GLI3: variants seen among roughly 807,000 people sequenced by gnomAD.
GLI3 encodes the protein GLI family zinc finger 3, also known as transcription activator GLI3.
In GLI3, 20 loss-of-function variants were observed where a neutral mutation model predicts 100.8. That is an observed-to-expected ratio of 0.20 (90% confidence interval 0.14 to 0.29). The LOEUF (loss-of-function observed/expected upper bound fraction) is 0.29, where lower values mean the gene tolerates loss of function less well. Ranked by LOEUF, GLI3 falls within the 10% of genes least tolerant of loss-of-function variation. GLI3 has a pLI of 1.00. For synonymous variants in GLI3, 938 were observed against 860.5 expected (o/e 1.09, Z -1.58); for missense variants, 2,040 against 2,128.5 (o/e 0.96, Z 0.82).
intron 1 of GLI3, among the ~76,000 whole-genome samples, chr7:42,234,779 AC>A (rs1406249840): frequency 6.6e-6 from 1 of 152,210 alleles, no homozygotes; most frequent in Non-Finnish European, 1.5e-5. Flanking sequence ...CCCTAGGCTG[AC>A]TTTAAGAATT....
chr7:42,040,082 A>G lies in GLI3; in HGVS notation c.984T>C (p.Ser328=), dbSNP rs1376994404. Residue 328 remains serine, a synonymous_variant, in exon 7 of 15, where the codon TCT becomes TCC. Transcript: ENST00000395925. ...AGTGACCATAGGAGCCACTTGCTGA[A>G]GAGCTGCTACGGGAATTATTGAGAA... ...VTILNNSRSS[S]SASGSYGHLS... is the part of the protein sequence containing the mutation. 2 of 1,612,366 alleles carry G rather than the reference A, an allele frequency of 1.2e-6. No homozygotes were observed. The highest frequency in any genetic ancestry group is 3.3e-5 in the Admixed American group (2 of 60,030).
intron 1 of GLI3, among the ~76,000 whole-genome samples, chr7:42,244,456 A>G (rs1481557236): frequency 1.2e-4 from 19 of 152,212 alleles, no homozygotes; most frequent in Admixed American, 1.2e-3. Context: ...GAAGTTTGTA[A>G]GTAAAATCAA....
intron 2 of GLI3, among the ~76,000 whole-genome samples, chr7:42,157,347 A>T (rs976943981): frequency 6.6e-6 from 1 of 152,196 alleles, no homozygotes; most frequent in African/African-American, 2.4e-5. Flanking sequence ...ACCTTTACAA[A>T]ATCTCAGATA....
intron 7 of GLI3, among the ~76,000 whole-genome samples, chr7:42,029,007 T>C (rs1030548724): frequency 2.6e-5 from 4 of 152,122 alleles, no homozygotes; most frequent in African/African-American, 9.7e-5. Flanking sequence ...GAATAAATGT[T>C]CTCTAAAATC....
At chr7:41,969,771 C>T (rs1034898328) in intron 13 of GLI3, among the ~76,000 whole-genome samples, 4 of 152,152 alleles carry the variant, frequency 2.6e-5, no homozygotes, top group Non-Finnish European at 5.9e-5. Context: ...CTTCAATGAG[C>T]GTCCACATTT....
chr7:42,098,853 A>G (rs1785397568), intron 3 of GLI3, among the ~76,000 whole-genome samples: 1 of 152,182 alleles, frequency 6.6e-6, no homozygotes, highest in South Asian at 2.1e-4. Context: ...GATAGGTCGC[A>G]AATATCACAA....
chr7:42,112,086 G>C (rs909753311), intron 3 of GLI3, among the ~76,000 whole-genome samples: 3 of 152,156 alleles, frequency 2.0e-5, no homozygotes, highest in African/African-American at 7.2e-5. Context: ...ACAATGACAG[G>C]GGAGATTTTA....
chr7:42,216,132 AC>A (rs1196080121), intron 2 of GLI3, among the ~76,000 whole-genome samples: 1 of 152,274 alleles, frequency 6.6e-6, no homozygotes, highest in South Asian at 2.1e-4. Flanking sequence ...TAGGGCTCAA[AC>A]CCTGGCTTCT....
intron 2 of GLI3, among the ~76,000 whole-genome samples, chr7:42,205,402 C>A (rs1788128749): frequency 6.6e-6 from 1 of 152,162 alleles, no homozygotes; most frequent in East Asian, 1.9e-4. Context: ...TAACTCCCAG[C>A]AACAACAAAC....
intron 3 of GLI3, chr7:42,113,617 C>A: frequency 1.0e-6 from 1 of 976,466 alleles, no homozygotes; most frequent in Non-Finnish European, 1.6e-6. Flanking sequence ...CTGGAGATGC[C>A]AAGTGAAGTG....
chr7:41,965,886 A>C lies in GLI3; in HGVS notation c.3187T>G (p.Ser1063Ala). The C allele has an allele frequency of 6.2e-7, 1 of 1,613,420 alleles. No homozygotes were observed. Among genetic ancestry groups the C allele is most frequent in the Non-Finnish European group, 8.5e-7 (1 of 1,179,854 alleles). The change falls in exon 15 of 15, where the codon TCC (serine) becomes GCC (alanine). Residue 1063 changes from serine (S) to alanine (A), a missense_variant. Around this residue, in one of 5 missense-constraint regions of GLI3, gnomAD observed 1,041 missense variants for 924.0 expected, o/e 1.13. Coordinates refer to ENST00000395925, the MANE Select transcript of GLI3 (RefSeq NM_000168.6). Reference protein sequence around the residue: ...EGGQSRNFHSSPCPPSITENV... With the variant: ...EGGQSRNFHSAPCPPSITENV... ...TCGGTGATGCTGGGAGGACAGGGGG[A>C]CGAGTGGAAGTTTCGGGACTGGCCG...
Position 41,966,154 on chromosome 7 carries a change from A to T in GLI3, c.2919T>A (p.Val973=). ...ALEPGVALPP[V]HAPRRCSDGG... ...CGTCGCTGCACCTCCTCGGGGCATGAACTGGAGGCAGGGCCACGCCAGGCT... is the reference window on the plus strand; with the variant it reads ...CGTCGCTGCACCTCCTCGGGGCATGTACTGGAGGCAGGGCCACGCCAGGCT... The change falls in exon 15 of 15, where the codon GTT becomes GTA. Residue 973 remains valine (V), a synonymous_variant. Transcript: ENST00000395925. This position sits in a 1 kb window ranked among gnomAD's most constrained non-coding sequence, Gnocchi z 5.8. 6.3e-7 allele frequency: 1 copy of T among 1,598,520 alleles called. No homozygotes were observed. Among genetic ancestry groups the T allele is most frequent in the Non-Finnish European group, 8.5e-7 (1 of 1,175,924 alleles).
At chr7:42,131,647 A>C (rs1163372942) in intron 3 of GLI3, among the ~76,000 whole-genome samples, 1 of 152,220 alleles carries the variant, frequency 6.6e-6, no homozygotes, top group Non-Finnish European at 1.5e-5. Flanking sequence ...CCACAAACAT[A>C]TTAACAACCC....
chr7:42,105,735 G>A (rs1024894486), intron 3 of GLI3, among the ~76,000 whole-genome samples: 1 of 152,118 alleles, frequency 6.6e-6, no homozygotes, highest in Non-Finnish European at 1.5e-5. Flanking sequence ...TTAATAGACT[G>A]TGTGTGTCCA....
intron 2 of GLI3, among the ~76,000 whole-genome samples, chr7:42,165,144 T>C (rs747902336): frequency 6.7e-6 from 1 of 149,822 alleles, no homozygotes; most frequent in Non-Finnish European, 1.5e-5. Flanking sequence ...GCGTGGAGAT[T>C]GCAGTGAGCC....
intron 10 of GLI3, among the ~76,000 whole-genome samples, chr7:42,009,074 C>T (rs903060324): frequency 1.6e-4 from 24 of 152,212 alleles, no homozygotes; most frequent in African/African-American, 5.3e-4. Flanking sequence ...GAAACAGCTC[C>T]CTTGACTGAT....
chr7:42,109,019 A>AC (rs1785641553), intron 3 of GLI3, among the ~76,000 whole-genome samples: 1 of 151,348 alleles, frequency 6.6e-6, no homozygotes, highest in African/African-American at 2.4e-5. Context: ...TGTCCCCTCC[A>AC]CCCCACCACA....
chr7:42,100,424 C>A (rs901741434), intron 3 of GLI3, among the ~76,000 whole-genome samples: 14 of 152,206 alleles, frequency 9.2e-5, no homozygotes, highest in Non-Finnish European at 1.9e-4. Flanking sequence ...TAAATCAATA[C>A]TCCTAGTGTC....
At chr7:42,203,113 T>C (rs1311694606) in intron 2 of GLI3, among the ~76,000 whole-genome samples, 1 of 152,216 alleles carries the variant, frequency 6.6e-6, no homozygotes, top group Non-Finnish European at 1.5e-5. Flanking sequence ...TATTTTAAAT[T>C]GACAGAAAAA....
Sources: gnomAD v4.1 joint callset for allele counts (sites outside exome capture counted in the v4.1 genomes callset) on GRCh38, gnomAD v4.1.1 for gene constraint, gnomAD v4.1.1 regional missense constraint, Gnocchi (gnomAD v3.1) non-coding constraint, MANE v1.5 for transcripts, NCBI Gene and HGNC (gene_info 2026-07-23, HGNC 2026-07-21) for gene names.